The following STEAP1B variants were observed in gnomAD, a reference collection of about 807,000 sequenced individuals.
STEAP1B encodes the protein STEAP family protein MGC87042.
A neutral mutation model predicts 27.9 loss-of-function variants in STEAP1B; 13 were observed. That is an observed-to-expected ratio of 0.47 (90% confidence interval 0.30 to 0.74). The LOEUF (loss-of-function observed/expected upper bound fraction) is 0.74. STEAP1B is among the 30% of genes least tolerant of loss of function. STEAP1B has a pLI of 0.06. For missense variants in STEAP1B, 250 were observed against 298.7 expected, an observed-to-expected ratio of 0.84 and a Z score of 1.20; for synonymous variants, 86 against 107.1, an observed-to-expected ratio of 0.80 and a Z score of 1.22.
intron 4 of STEAP1B, among the ~76,000 whole-genome samples, chr7:22,471,829 G>T (rs1404209505): frequency 6.8e-6 from 1 of 146,554 alleles, no homozygotes; most frequent in Non-Finnish European, 1.5e-5. Context: ...CTTGAGCCTA[G>T]GAATTTGAGG....
chr7:22,451,027 T>C (rs762205292), intron 4 of STEAP1B, among the ~76,000 whole-genome samples: 1 of 152,038 alleles, frequency 6.6e-6, no homozygotes, highest in African/African-American at 2.4e-5. Context: ...AAACCTTGTC[T>C]CCACTACAAA....
intron 4 of STEAP1B, among the ~76,000 whole-genome samples, chr7:22,471,171 G>A (rs1022628983): frequency 2.6e-5 from 4 of 152,172 alleles, no homozygotes; most frequent in Non-Finnish European, 4.4e-5. Context: ...TGGGCTGCGC[G>A]CCTCAGCACT....
At chr7:22,494,972 T>G in intron 1 of STEAP1B, 86 bp from the exon 2 acceptor site, 1 of 666,434 alleles carries the variant, frequency 1.5e-6, no homozygotes, top group African/African-American at 1.9e-5. Flanking sequence ...TTTACTTGCT[T>G]AAAGACTAGA....
intron 4 of STEAP1B, among the ~76,000 whole-genome samples, chr7:22,467,955 G>A (rs1251019467): frequency 6.6e-6 from 1 of 152,126 alleles, no homozygotes; most frequent in Non-Finnish European, 1.5e-5. Flanking sequence ...ACTAAGCTGA[G>A]GTGGAGGGAG....
chr7:22,479,540 T>A (rs954121259), intron 4 of STEAP1B, among the ~76,000 whole-genome samples: 1 of 152,126 alleles, frequency 6.6e-6, no homozygotes, highest in Admixed American at 6.6e-5. Context: ...GGCTGGCCAA[T>A]CTTTTATGTG....
At chr7:22,485,084 A>G (rs1786179109) in intron 4 of STEAP1B, among the ~76,000 whole-genome samples, 1 of 152,238 alleles carries the variant, frequency 6.6e-6, no homozygotes. Flanking sequence ...TACAATGACA[A>G]AAGATTTAGA....
Position 22,456,972 on chromosome 7 carries a change from A to ATATATTTTTTTTTTTTTTT in STEAP1B, c.762+35592_762+35593insAAAAAAAAAAAAAAATATA. On this transcript the variant is annotated intron_variant, in intron 4 of 4. Coordinates refer to ENST00000678116, the MANE Select transcript of STEAP1B (RefSeq NM_001382447.1). ...GGCAGCTATATATATATATATATAT[A>ATATATTTTTTTTTTTTTTT]TTTTTTTTTTTTTTAAGTATCCTGG... is the stretch of plus-strand genomic sequence containing the variant. Among the ~76,000 whole-genome samples the ATATATTTTTTTTTTTTTTT allele has an allele frequency of 6.8e-4, 39 of 57,040 alleles. 3 individuals carry two copies. The highest frequency in any genetic ancestry group is 1.0e-3 in the South Asian group (1 of 992). 37.4% of individuals were successfully genotyped at this position (57,040 alleles called of 152,430 possible).
chr7:22,470,072 C>T (rs1197666005), intron 4 of STEAP1B, among the ~76,000 whole-genome samples: 2 of 152,300 alleles, frequency 1.3e-5, no homozygotes, highest in Admixed American at 1.3e-4. Flanking sequence ...AATTGCACTC[C>T]AGGAGCAATG....
At chr7:22,489,129 G>A (rs1381185069) in intron 4 of STEAP1B, among the ~76,000 whole-genome samples, 1 of 151,868 alleles carries the variant, frequency 6.6e-6, no homozygotes, top group African/African-American at 2.4e-5. Context: ...AGGCAGCATC[G>A]CCTGCACGTG....
intron 4 of STEAP1B, among the ~76,000 whole-genome samples, chr7:22,453,358 TCA>T (rs1179622952): frequency 6.6e-6 from 1 of 152,050 alleles, no homozygotes; most frequent in Non-Finnish European, 1.5e-5. Context: ...GAAAAATCAC[TCA>T]GTTTCTTACT....
intron 4 of STEAP1B, among the ~76,000 whole-genome samples, chr7:22,465,883 C>CGT (rs1217539512): frequency 3.3e-5 from 5 of 152,182 alleles, no homozygotes; most frequent in African/African-American, 1.2e-4. Context: ...CACTCACCTC[C>CGT]TAATGGCCTC....
At chr7:22,440,546 C>T (rs188781364) in intron 4 of STEAP1B, among the ~76,000 whole-genome samples, 3 of 152,078 alleles carry the variant, frequency 2.0e-5, no homozygotes, top group Admixed American at 6.5e-5. Context: ...TGAGAATACT[C>T]CCCATTTAGC....
intron 1 of STEAP1B, among the ~76,000 whole-genome samples, chr7:22,498,345 G>A (rs1035100577): frequency 2.0e-5 from 3 of 152,184 alleles, no homozygotes; most frequent in Non-Finnish European, 4.4e-5. Context: ...TGAGATCTGA[G>A]GGGGAGACAC....
At chr7:22,482,823 A>G (rs925352800) in intron 4 of STEAP1B, among the ~76,000 whole-genome samples, 13 of 152,126 alleles carry the variant, frequency 8.5e-5, no homozygotes, top group Non-Finnish European at 1.8e-4. Context: ...CACCCTACAC[A>G]CACTCCTACT....
intron 4 of STEAP1B, among the ~76,000 whole-genome samples, chr7:22,461,254 T>C (rs888846496): frequency 5.3e-5 from 8 of 152,128 alleles, no homozygotes; most frequent in African/African-American, 9.7e-5. Flanking sequence ...TTCCAGTCAC[T>C]GAGGGAACTT....
chr7:22,472,874 T>C (rs531506851), intron 4 of STEAP1B, among the ~76,000 whole-genome samples: 6 of 152,132 alleles, frequency 3.9e-5, no homozygotes, highest in Non-Finnish European at 5.9e-5. Flanking sequence ...ACTTGCTGTG[T>C]AGTAACAGTG....
At chr7:22,486,173 T>C (rs909691480) in intron 4 of STEAP1B, among the ~76,000 whole-genome samples, 1 of 152,182 alleles carries the variant, frequency 6.6e-6, no homozygotes. Context: ...GATTTCATTG[T>C]ACAGTCATGG....
intron 4 of STEAP1B, among the ~76,000 whole-genome samples, chr7:22,487,830 GA>G (rs1201816458): frequency 0.027 from 3,402 of 128,260 alleles, 102 homozygotes; most frequent in African/African-American, 0.087. Context: ...AAAGAAAAAA[GA>G]AAAAAAAAAA....
chr7:22,466,008 G>A (rs151218446), intron 4 of STEAP1B, among the ~76,000 whole-genome samples: 299 of 152,256 alleles, frequency 2.0e-3, no homozygotes, highest in Middle Eastern at 3.4e-3. Flanking sequence ...TGAATCTTCA[G>A]GTTCATTCCC....
Sources: allele counts gnomAD v4.1 joint callset (sites outside exome capture counted in the v4.1 genomes callset), GRCh38; gene constraint gnomAD v4.1.1; transcripts MANE v1.5; gene names NCBI Gene and HGNC (gene_info 2026-07-23, HGNC 2026-07-21).